Variants in PIWIL3 observed in about 807,000 individuals in gnomAD.
PIWIL3 encodes the protein piwi like RNA-mediated gene silencing 3.
Under a neutral mutation model 109.7 loss-of-function variants are expected in PIWIL3, and 101 were observed. The ratio of observed to expected loss-of-function variants is 0.92; its 90% CI spans 0.78 to 1.09. The LOEUF (loss-of-function observed/expected upper bound fraction) is 1.09. PIWIL3 is among the 50% of genes least tolerant of loss of function. The pLI is 0.00. For synonymous variants in PIWIL3, 373 were observed against 376.4 expected (o/e 0.99, Z 0.10); for missense variants, 1,031 against 1,072.6 (o/e 0.96, Z 0.54).
Position 24,756,709 on chromosome 22 carries a change from A to G in PIWIL3, c.356-4T>C. 6.2e-7 allele frequency: 1 copy of G among 1,606,008 alleles called. No homozygotes were observed. Among genetic ancestry groups the G allele is most frequent in the Non-Finnish European group, 8.5e-7 (1 of 1,173,474 alleles). On this transcript the variant is annotated splice_region_variant and splice_polypyrimidine_tract_variant and intron_variant, in intron 4 of 20. Transcript: ENST00000616349. ...TGTACCACTGTACCCTCTGAACCTG[A>G]AAAATGGAGCCACATGACAATAAAG...
At chr22:24,729,984 T>C (rs904955140) in intron 14 of PIWIL3, among the ~76,000 whole-genome samples, 2 of 152,026 alleles carry the variant, frequency 1.3e-5, no homozygotes, top group Non-Finnish European at 2.9e-5. Context: ...AGTATTAAAT[T>C]TTGATATTTT....
intron 13 of PIWIL3, among the ~76,000 whole-genome samples, chr22:24,734,515 G>T (rs917354331): frequency 6.6e-6 from 1 of 152,162 alleles, no homozygotes; most frequent in Non-Finnish European, 1.5e-5. Context: ...AAAGACTCTG[G>T]AAACTTCCCA....
In PIWIL3 at chr22:24,754,013, CT is replaced by C. The variant is rs1254962603; in HGVS notation, c.977del (p.Lys326AsnfsTer9). On this transcript the variant is annotated frameshift_variant and splice_region_variant, in exon 8 of 21. Coordinates refer to ENST00000616349, the MANE Select transcript of PIWIL3 (RefSeq NM_001255975.1). LOFTEE classifies it high-confidence loss of function. The stretch of plus-strand genomic sequence containing the variant: ...GATAGGTTTTTAAAAGACAGACTTA[CT>C]TTGTCAGAACAATTGATCCAATTAA... ...NKLIGSIVLT[K>X]YNNKTYRVDD... 6.3e-7 allele frequency: 1 copy of C among 1,596,976 alleles called. No individual in the cohort carries two copies. Among genetic ancestry groups the C allele is most frequent in the Non-Finnish European group, 8.6e-7 (1 of 1,164,614 alleles).
At chr22:24,765,240 G>A (rs1601853835) in intron 1 of PIWIL3, among the ~76,000 whole-genome samples, 1 of 152,306 alleles carries the variant, frequency 6.6e-6, no homozygotes, top group Non-Finnish European at 1.5e-5. Flanking sequence ...TGTTCTTACA[G>A]TTGGGGTTTT....
At chr22:24,730,162 C>T (rs1923254428) in intron 14 of PIWIL3, among the ~76,000 whole-genome samples, 2 of 151,834 alleles carry the variant, frequency 1.3e-5, no homozygotes, top group Admixed American at 6.6e-5. Context: ...GTCAGGAGTT[C>T]GAGACCAGCG....
rs1926158317 is a variant in PIWIL3 at position 24,771,917 on chromosome 22, T to C, written c.-23+2405A>G. On this transcript the variant is annotated intron_variant, in intron 1 of 20. Coordinates refer to ENST00000616349, the MANE Select transcript of PIWIL3 (RefSeq NM_001255975.1). Reference sequence around the variant, plus strand: ...CACCATGTTGGCCAGGCTGGTCTCTTACTCCTGACCTCGTGATCCACCTGC... The same window carrying C: ...CACCATGTTGGCCAGGCTGGTCTCTCACTCCTGACCTCGTGATCCACCTGC... 1.3e-5 allele frequency among the ~76,000 whole-genome samples: 2 copies of C among 152,062 alleles called. 1 individual carries two copies. Among genetic ancestry groups the C allele is most frequent in the South Asian group, 4.1e-4 (2 of 4,826 alleles).
chr22:24,748,965 A>G lies in PIWIL3; in HGVS notation c.1391T>C (p.Phe464Ser). ...QLWDLKFDTN[F>S]LSVPGRVLKN... Reference sequence around the variant, plus strand: ...CAAAACTCTTCCCGGGACGGACAAAAAATTGGTATCAAATTTCAAATCCCA... The same window carrying G: ...CAAAACTCTTCCCGGGACGGACAAAGAATTGGTATCAAATTTCAAATCCCA... The change falls in exon 12 of 21, where the codon TTT becomes TCT. Residue 464 changes from phenylalanine (F) to serine (S), a missense_variant. Transcript: ENST00000616349. 6.2e-7 allele frequency: 1 copy of G among 1,613,804 alleles called. No individual in the cohort carries two copies. The highest frequency in any genetic ancestry group is 1.1e-5 in the South Asian group (1 of 91,032).
intron 14 of PIWIL3, among the ~76,000 whole-genome samples, chr22:24,732,696 G>A (rs1047713329): frequency 3.3e-5 from 5 of 152,094 alleles, no homozygotes; most frequent in Non-Finnish European, 7.4e-5. Context: ...GGCGGCAGGC[G>A]CCTGTAGTCC....
rs768438100 is a variant in PIWIL3, at chr22:24,762,422, T to TC, written c.77dup (p.Pro27ThrfsTer30). 1 of 1,613,894 alleles carries TC rather than the reference T, an allele frequency of 6.2e-7. No individual in the cohort carries two copies. Among genetic ancestry groups the TC allele is most frequent in the Non-Finnish European group, 8.5e-7 (1 of 1,179,902 alleles). ...CTGTAGCTGATCCAGGTGCTCTGGG[T>TC]CCCCCAGGTGCCTCTTGTTGGTAGC... On this transcript the variant is annotated frameshift_variant, in exon 2 of 21. Transcript: ENST00000616349. LOFTEE classifies it high-confidence loss of function.
chr22:24,752,168 G>A (rs143919169), intron 8 of PIWIL3, among the ~76,000 whole-genome samples: 92 of 151,698 alleles, frequency 6.1e-4, no homozygotes, highest in South Asian at 6.0e-3. Context: ...AAAAGTTCTC[G>A]GTGGAATTTT....
chr22:24,758,063 G>A (rs2147712231), intron 3 of PIWIL3, 24 bp from the exon 4 acceptor site: 2 of 1,590,480 alleles, frequency 1.3e-6, no homozygotes, highest in East Asian at 2.2e-5. Context: ...AACGCCAGAA[G>A]TTTAAACAAT....
At position 24,749,490 on chromosome 22, in the gene PIWIL3, G is replaced by A. The variant is rs1300520473; in HGVS notation, c.1248C>T (p.Ser416=). ...GLTDEICKDY[S]IVKELAKHTR... is the part of the protein sequence containing the mutation. ...TATGTTTAGCCAATTCTTTCACAAT[G>A]CTATAATCTTTACATATTTCATCTG... is the stretch of plus-strand genomic sequence containing the variant. The change falls in exon 11 of 21, where the codon AGC becomes AGT. Residue 416 remains serine, a synonymous_variant. Transcript: ENST00000616349. The A allele has an allele frequency of 9.9e-6, 16 of 1,613,188 alleles. No individual in the cohort carries two copies. The highest frequency in any genetic ancestry group is 3.3e-5 in the Admixed American group (2 of 59,960).
At chr22:24,721,925 G>C (rs1294554142) in intron 19 of PIWIL3, among the ~76,000 whole-genome samples, 1 of 152,176 alleles carries the variant, frequency 6.6e-6, no homozygotes, top group African/African-American at 2.4e-5. Flanking sequence ...TTACTTCCTT[G>C]TGTCCATGAA....
chr22:24,762,644 A>C, intron 1 of PIWIL3, 123 bp from the exon 2 acceptor site: 1 of 782,350 alleles, frequency 1.3e-6, no homozygotes, highest in Non-Finnish European at 1.9e-6. Context: ...TGTTTGGCTC[A>C]TCATTCTGAT....
intron 12 of PIWIL3, among the ~76,000 whole-genome samples, chr22:24,747,658 A>G (rs1209109117): frequency 1.3e-5 from 2 of 152,238 alleles, no homozygotes; most frequent in African/African-American, 4.8e-5. Flanking sequence ...TTCTGAAGAC[A>G]TACAAATAGC....
Position 24,750,800 on chromosome 22 carries a change from T to C in PIWIL3, c.1089+587A>G, listed in dbSNP as rs933765418. 1.0e-4 allele frequency among the ~76,000 whole-genome samples: 15 copies of C among 149,880 alleles called. No individual in the cohort carries two copies. The South Asian group carries it at 1.3e-3, about 13-fold the overall frequency. On this transcript the variant is annotated intron_variant, in intron 9 of 20. Transcript: ENST00000616349. ...ACTGCGCCCGGCCCATATTTGATTA[T>C]CTACCAAACAACCCAACCACATTTA...
At chr22:24,723,305 GA>G in intron 18 of PIWIL3, 50 bp from the exon 19 acceptor site, 1 of 1,554,412 alleles carries the variant, frequency 6.4e-7, no homozygotes, top group Non-Finnish European at 8.8e-7. Flanking sequence ...TCTTACCTCA[GA>G]AGTACACAGT....
chr22:24,758,186 G>A (rs1925208758), intron 3 of PIWIL3, 147 bp from the exon 4 acceptor site: 1 of 1,004,210 alleles, frequency 1.0e-6, no homozygotes. Flanking sequence ...TGCCGCAAAA[G>A]CGTAACCTTA....
chr22:24,755,067 T>C (rs908791997), intron 6 of PIWIL3, among the ~76,000 whole-genome samples: 6 of 152,208 alleles, frequency 3.9e-5, no homozygotes, highest in African/African-American at 1.2e-4. Context: ...AACATAATAT[T>C]GTAGAAAGGT....
Sources: allele counts gnomAD v4.1 joint callset (sites outside exome capture counted in the v4.1 genomes callset), GRCh38; gene constraint gnomAD v4.1.1; transcripts MANE v1.5; gene names NCBI Gene and HGNC (gene_info 2026-07-23, HGNC 2026-07-21).